TMTC1: variants seen among roughly 807,000 people sequenced by gnomAD.
The protein encoded by TMTC1 is protein O-mannosyl-transferase TMTC1.
TMTC1 carries 73 observed loss-of-function variants against 104.8 expected under a neutral mutation model. The observed-to-expected ratio is 0.70, with a 90% CI of 0.58 to 0.85. The LOEUF is 0.85. TMTC1 is among the 40% of genes least tolerant of loss of function. TMTC1 has a pLI of 0.00. For missense variants in TMTC1, 1,035 were observed against 1,096.1 expected, an observed-to-expected ratio of 0.94 and a Z score of 0.79; for synonymous variants, 434 against 428.7, an observed-to-expected ratio of 1.01 and a Z score of -0.15.
In TMTC1 at chr12:29,513,465, T is replaced by C. The variant is rs552715451; in HGVS notation, c.2430+1017A>G. On this transcript the variant is annotated intron_variant, in intron 16 of 17. Coordinates refer to ENST00000539277, the MANE Select transcript of TMTC1 (RefSeq NM_001193451.2). ...AAAATCCTACAAATTCTGAGAAAAA[T>C]GCCACAATTTCTGTTTTTGATTAAA... Among the ~76,000 whole-genome samples, 8 of 152,166 alleles carry C rather than the reference T, an allele frequency of 5.3e-5. No homozygotes were observed. In the South Asian group the frequency reaches 1.5e-3, roughly 28 times the overall value.
intron 6 of TMTC1, among the ~76,000 whole-genome samples, chr12:29,610,135 C>G (rs773331082): frequency 1.3e-5 from 2 of 152,184 alleles, no homozygotes; most frequent in Non-Finnish European, 2.9e-5. Flanking sequence ...GTGTTTCCTG[C>G]CAGGAATCTG....
At chr12:29,597,889 G>A (rs1946455730) in intron 7 of TMTC1, among the ~76,000 whole-genome samples, 1 of 152,200 alleles carries the variant, frequency 6.6e-6, no homozygotes, top group African/African-American at 2.4e-5. Flanking sequence ...AAGAATACCA[G>A]AAATATAGGA....
chr12:29,661,498 T>C (rs573471820), intron 5 of TMTC1: 1 of 160,396 alleles, frequency 6.2e-6, no homozygotes, highest in South Asian at 2.1e-4. Flanking sequence ...CTCAGCTCAC[T>C]GCAACCTCCA....
At chr12:29,561,611 T>C (rs1486987298) in intron 9 of TMTC1, among the ~76,000 whole-genome samples, 2 of 152,246 alleles carry the variant, frequency 1.3e-5, no homozygotes, top group Non-Finnish European at 2.9e-5. Flanking sequence ...TAAAGATCCA[T>C]AGACATAAGC....
At chr12:29,679,615 A>G (rs905846838) in intron 5 of TMTC1, among the ~76,000 whole-genome samples, 1 of 151,644 alleles carries the variant, frequency 6.6e-6, no homozygotes, top group Non-Finnish European at 1.5e-5. Context: ...ATCGCAGATA[A>G]AGGAAAAATG....
In TMTC1 at chr12:29,557,237, T is replaced by C. The variant is rs114549067; in HGVS notation, c.1533-237A>G. 5.7e-3 allele frequency among the ~76,000 whole-genome samples: 875 copies of C among 152,284 alleles called. 16 individuals carry two copies. Among genetic ancestry groups the C allele is most frequent in the African/African-American group, 0.02 (830 of 41,536 alleles). ...AATTCTTAAATAGTACAAGAATAAA[T>C]AGTATGTGGATCTACCAGGGTTAAA... On this transcript the variant is annotated intron_variant, in intron 9 of 17. Coordinates refer to ENST00000539277, the MANE Select transcript of TMTC1 (RefSeq NM_001193451.2).
intron 2 of TMTC1, among the ~76,000 whole-genome samples, chr12:29,762,932 T>C (rs1943385520): frequency 6.6e-6 from 1 of 152,208 alleles, no homozygotes; most frequent in African/African-American, 2.4e-5. Context: ...CACCTGCAAG[T>C]CTTCCTGAAG....
At chr12:29,582,480 T>C (rs1231814455) in intron 8 of TMTC1, among the ~76,000 whole-genome samples, 2 of 152,192 alleles carry the variant, frequency 1.3e-5, no homozygotes, top group Admixed American at 6.5e-5. Flanking sequence ...AAGCTTTCTT[T>C]TCCTAAGACT....
intron 5 of TMTC1, among the ~76,000 whole-genome samples, chr12:29,718,794 G>A (rs1248041432): frequency 1.3e-5 from 2 of 151,992 alleles, no homozygotes; most frequent in East Asian, 1.9e-4. Context: ...TTAGCCACGA[G>A]TGGTGACGGG....
At chr12:29,548,718 T>A (rs2136234521) in intron 10 of TMTC1, among the ~76,000 whole-genome samples, 1 of 150,830 alleles carries the variant, frequency 6.6e-6, no homozygotes, top group South Asian at 2.1e-4. Context: ...GAGAACAGAC[T>A]AATACAGTAA....
At chr12:29,629,741 A>G (rs566540705) in intron 6 of TMTC1, among the ~76,000 whole-genome samples, 1 of 152,314 alleles carries the variant, frequency 6.6e-6, no homozygotes, top group South Asian at 2.1e-4. Flanking sequence ...TTGAAACTAG[A>G]AAGTGCTGGC....
intron 5 of TMTC1, among the ~76,000 whole-genome samples, chr12:29,701,179 T>A (rs1941582825): frequency 6.6e-6 from 1 of 152,052 alleles, no homozygotes; most frequent in Non-Finnish European, 1.5e-5. Flanking sequence ...ACAAGTAAAT[T>A]CAGAAGATTG....
intron 5 of TMTC1, among the ~76,000 whole-genome samples, chr12:29,698,569 T>G (rs910305695): frequency 1.3e-5 from 2 of 152,170 alleles, no homozygotes; most frequent in African/African-American, 2.4e-5. Flanking sequence ...TGTTTCTAAG[T>G]TAGAGGAAAA....
chr12:29,772,491 G>A (rs183273513), intron 1 of TMTC1, among the ~76,000 whole-genome samples: 1 of 152,246 alleles, frequency 6.6e-6, no homozygotes, highest in East Asian at 1.9e-4. Flanking sequence ...TGGAAGAGGA[G>A]AATATTCCCA....
chr12:29,629,073 A>T (rs1039004045), intron 6 of TMTC1, among the ~76,000 whole-genome samples: 3 of 151,572 alleles, frequency 2.0e-5, no homozygotes, highest in African/African-American at 4.8e-5. Flanking sequence ...TAATCCCAGC[A>T]CTGTGGGAGG....
rs527286021 is a variant in TMTC1, at chr12:29,667,591, A to C, written c.939-34255T>G. Among the ~76,000 whole-genome samples, 4 of 152,344 alleles carry C rather than the reference A, an allele frequency of 2.6e-5. No individual in the cohort carries two copies. The South Asian group carries it at 8.3e-4, about 32-fold the overall frequency. ...CATGTAGTTTTATAATGAGGGAAAA[A>C]AATGATGCCCAGAAATGTTACTTGG... On this transcript the variant is annotated intron_variant, in intron 5 of 17. Transcript: ENST00000539277.
intron 5 of TMTC1, among the ~76,000 whole-genome samples, chr12:29,730,315 C>T (rs961027944): frequency 6.6e-6 from 1 of 152,148 alleles, no homozygotes; most frequent in African/African-American, 2.4e-5. Context: ...CATGCTTGTG[C>T]TTTTTTAAAA....
At chr12:29,556,050 AC>A (rs1945236026) in intron 10 of TMTC1, among the ~76,000 whole-genome samples, 1 of 138,732 alleles carries the variant, frequency 7.2e-6, no homozygotes, top group Non-Finnish European at 1.5e-5. Flanking sequence ...ATATTTGTTA[AC>A]CTTTTTTTTT....
intron 9 of TMTC1, among the ~76,000 whole-genome samples, chr12:29,571,279 T>C (rs1726110777): frequency 6.6e-6 from 1 of 152,174 alleles, no homozygotes; most frequent in South Asian, 2.1e-4. Flanking sequence ...TTAGTTATTA[T>C]GTCTCCATGT....
Sources: gnomAD v4.1 joint callset for allele counts (sites outside exome capture counted in the v4.1 genomes callset) on GRCh38, gnomAD v4.1.1 for gene constraint, MANE v1.5 for transcripts, NCBI Gene and HGNC (gene_info 2026-07-23, HGNC 2026-07-21) for gene names.